The following LRCH1 variants were observed in gnomAD, a reference collection of about 807,000 sequenced individuals.
LRCH1 encodes the protein leucine-rich repeat and calponin homology domain-containing protein 1.
In LRCH1, 23 loss-of-function variants were observed where a neutral mutation model predicts 94.9. The observed-to-expected ratio is 0.24, with a 90% CI of 0.17 to 0.34. LRCH1 has a LOEUF of 0.34. Among genes scored for constraint, LRCH1 ranks in the 10% least tolerant of loss-of-function variants. The pLI, the probability that LRCH1 is intolerant of heterozygous loss-of-function variation, is 1.00. For missense variants in LRCH1, 790 were observed against 945.9 expected, an observed-to-expected ratio of 0.84 and a Z score of 2.16; for synonymous variants, 364 against 354.9, an observed-to-expected ratio of 1.03 and a Z score of -0.29.
intron 16 of LRCH1, among the ~76,000 whole-genome samples, chr13:46,719,802 A>G (rs890485677): frequency 1.3e-5 from 2 of 152,076 alleles, no homozygotes; most frequent in African/African-American, 4.8e-5. Context: ...GTTCAAGACC[A>G]GCCTGGTCAA....
intron 3 of LRCH1, among the ~76,000 whole-genome samples, chr13:46,670,943 A>G (rs1164410683): frequency 2.0e-5 from 3 of 152,198 alleles, no homozygotes; most frequent in Non-Finnish European, 1.5e-5. Context: ...CTAGGTAGAT[A>G]GAATGGGGCT....
intron 1 of LRCH1, among the ~76,000 whole-genome samples, chr13:46,566,006 T>C (rs2050179827): frequency 6.6e-6 from 1 of 151,842 alleles, no homozygotes; most frequent in Non-Finnish European, 1.5e-5. Context: ...AGCTCTTGTT[T>C]TGGCCTCCAG....
rs746453329 is a variant in LRCH1 at position 46,741,845 on chromosome 13, A to G, written c.2289A>G (p.Ala763=). ...YITYHWNALS[A] is the part of the protein sequence containing the mutation. ...CTTACCACTGGAATGCTCTGTCCGCATAATGTCTGCACGTGCATCCAAACG... is the reference window on the plus strand; with the variant it reads ...CTTACCACTGGAATGCTCTGTCCGCGTAATGTCTGCACGTGCATCCAAACG... The change falls in exon 20 of 20, where the codon GCA becomes GCG. Residue 763 remains alanine (A), a synonymous_variant. Coordinates refer to ENST00000389797, the MANE Select transcript of LRCH1 (RefSeq NM_001164211.2). 4 of 1,613,862 alleles carry G rather than the reference A, an allele frequency of 2.5e-6. No homozygotes were observed. Among genetic ancestry groups the G allele is most frequent in the African/African-American group, 1.3e-5 (1 of 74,926 alleles).
chr13:46,702,669 A>C (rs1000341289), intron 11 of LRCH1, among the ~76,000 whole-genome samples: 13 of 152,168 alleles, frequency 8.5e-5, no homozygotes, highest in Non-Finnish European at 1.6e-4. Flanking sequence ...ACCTTTAATG[A>C]CTGCCAATTT....
Position 46,662,981 on chromosome 13 carries a change from AATTG to A in LRCH1, c.453-6044_453-6041del, listed in dbSNP as rs537095634. 3.1e-3 allele frequency among the ~76,000 whole-genome samples: 469 copies of A among 152,272 alleles called. 4 individuals are homozygous for A. Among genetic ancestry groups the A allele is most frequent in the Non-Finnish European group, 4.0e-3 (275 of 68,024 alleles). On this transcript the variant is annotated intron_variant, in intron 2 of 19. Transcript: ENST00000389797. ...TGGCTTTTATGTGTTTGGAGTGTGA[AATTG>A]ATTGGTGTAGCTTTCAAGACTTGTT...
At chr13:46,689,942 G>T (rs1372497013) in intron 7 of LRCH1, among the ~76,000 whole-genome samples, 1 of 152,068 alleles carries the variant, frequency 6.6e-6, no homozygotes, top group Non-Finnish European at 1.5e-5. Flanking sequence ...AGTATCAGGT[G>T]CTCTTCTTTT....
intron 1 of LRCH1, among the ~76,000 whole-genome samples, chr13:46,572,953 T>C (rs910699575): frequency 1.3e-5 from 2 of 152,124 alleles, no homozygotes; most frequent in African/African-American, 2.4e-5. Flanking sequence ...CCCAGTGACC[T>C]TGGGCAAGTT....
In LRCH1 at chr13:46,670,307, G is replaced by A. The variant is rs118078992; in HGVS notation, c.579+1151G>A. On this transcript the variant is annotated intron_variant, in intron 3 of 19. Coordinates refer to ENST00000389797, the MANE Select transcript of LRCH1 (RefSeq NM_001164211.2). ...TACAGGGGTCCATCAGATCACTTACGATGAAGACATTTGGTCACAGGTCAT... is the reference window on the plus strand; with the variant it reads ...TACAGGGGTCCATCAGATCACTTACAATGAAGACATTTGGTCACAGGTCAT... Among the ~76,000 whole-genome samples, 1,155 of 152,306 alleles carry A rather than the reference G, an allele frequency of 7.6e-3. 10 individuals are homozygous for A. Among genetic ancestry groups the A allele is most frequent in the Non-Finnish European group, 0.012 (836 of 68,026 alleles).
intron 8 of LRCH1, among the ~76,000 whole-genome samples, chr13:46,693,516 T>C (rs1383406246): frequency 6.6e-6 from 1 of 152,082 alleles, no homozygotes; most frequent in Non-Finnish European, 1.5e-5. Context: ...GGGTGGGAAA[T>C]GTAGTTGAGG....
At chr13:46,588,566 T>C (rs2050460283) in intron 1 of LRCH1, among the ~76,000 whole-genome samples, 1 of 151,078 alleles carries the variant, frequency 6.6e-6, no homozygotes. Flanking sequence ...TTAATTAACA[T>C]GGTGCTGTAT....
rs11618395 is a variant in LRCH1, at chr13:46,553,616, G to A, written c.220G>A (p.Gly74Arg). The change falls in exon 1 of 20, where the codon GGG becomes AGG. Residue 74 changes from glycine to arginine, a missense_variant. By Grantham distance (125) the Gly-to-Arg change is moderately radical (BLOSUM62 -2). Around this residue, in one of 3 missense-constraint regions of LRCH1, gnomAD observed 136 missense variants for 143.5 expected, o/e 0.95. Transcript: ENST00000389797. ...CGCGCTTGAGGAGGCGGCCAACTCC[G>A]GGGGGCTGAACCTGAGCGCCAGGAA... ...ERALEEAANS[G>R]GLNLSARKLK... The A allele has an allele frequency of 2.0e-5, 31 of 1,576,542 alleles. No homozygotes were observed. In the African/African-American group the frequency reaches 3.7e-4, roughly 19 times the overall value.
intron 1 of LRCH1, among the ~76,000 whole-genome samples, chr13:46,644,802 A>G (rs931365717): frequency 6.6e-6 from 1 of 152,236 alleles, no homozygotes; most frequent in South Asian, 2.1e-4. Context: ...ATGAATGTAT[A>G]ATGTGTAGCC....
At chr13:46,712,963 G>A (rs1872148122) in intron 15 of LRCH1, among the ~76,000 whole-genome samples, 1 of 152,142 alleles carries the variant, frequency 6.6e-6, no homozygotes, top group Non-Finnish European at 1.5e-5. Context: ...CTCTGGAAAA[G>A]TGACTCCTTT....
At chr13:46,734,351 G>C (rs1369474004) in intron 19 of LRCH1, among the ~76,000 whole-genome samples, 1 of 152,134 alleles carries the variant, frequency 6.6e-6, no homozygotes, top group East Asian at 1.9e-4. Flanking sequence ...GAATTTTGGA[G>C]CTGATGGTTT....
intron 3 of LRCH1, among the ~76,000 whole-genome samples, chr13:46,669,866 A>G (rs1238891935): frequency 6.6e-6 from 1 of 152,260 alleles, no homozygotes; most frequent in African/African-American, 2.4e-5. Context: ...TTTATCATCT[A>G]AGCATTGGCT....
intron 7 of LRCH1, among the ~76,000 whole-genome samples, chr13:46,692,020 C>A (rs1870924710): frequency 6.6e-6 from 1 of 152,166 alleles, no homozygotes; most frequent in South Asian, 2.1e-4. Context: ...CCAGATCTCA[C>A]ATGAACGCAT....
At chr13:46,717,619 A>G (rs1284862310) in intron 16 of LRCH1, 1 of 152,220 alleles carries the variant, frequency 6.6e-6, no homozygotes, top group African/African-American at 2.4e-5. Context: ...TGATTGGAAT[A>G]CATTTTCTAA....
At chr13:46,598,086 G>A (rs936901150) in intron 1 of LRCH1, among the ~76,000 whole-genome samples, 1 of 152,136 alleles carries the variant, frequency 6.6e-6, no homozygotes, top group African/African-American at 2.4e-5. Flanking sequence ...TTCAAGACTA[G>A]CCTGGCCAAC....
At chr13:46,633,423 T>G (rs2051042297) in intron 1 of LRCH1, among the ~76,000 whole-genome samples, 1 of 152,218 alleles carries the variant, frequency 6.6e-6, no homozygotes, top group Admixed American at 6.5e-5. Context: ...TTGGTCAGGG[T>G]ATCAGCAGAA....
Sources: allele counts gnomAD v4.1 joint callset (sites outside exome capture counted in the v4.1 genomes callset), GRCh38; gene constraint gnomAD v4.1.1; regional missense constraint gnomAD v4.1.1; transcripts MANE v1.5; gene names NCBI Gene and HGNC (gene_info 2026-07-23, HGNC 2026-07-21).